SNX9: variants seen among roughly 807,000 people sequenced by gnomAD.
SNX9 encodes sorting nexin-9.
In SNX9, 44 loss-of-function variants were observed where a neutral mutation model predicts 89.4. That is an observed-to-expected ratio of 0.49 (90% CI 0.39 to 0.63). The LOEUF (loss-of-function observed/expected upper bound fraction) is 0.63, where lower values mean the gene tolerates loss of function less well. Among genes scored for constraint, SNX9 ranks in the 30% least tolerant of loss-of-function variants. The pLI, the probability that SNX9 is intolerant of heterozygous loss-of-function variation, is 0.00. For missense variants in SNX9, 578 were observed against 736.1 expected (o/e 0.79, Z 2.49); for synonymous variants, 236 against 247.8 (o/e 0.95, Z 0.45).
chr6:157,920,322 G>A (rs1783557815), intron 9 of SNX9, among the ~76,000 whole-genome samples: 2 of 152,136 alleles, frequency 1.3e-5, no homozygotes, highest in Non-Finnish European at 2.9e-5. Context: ...GGCTATCAGG[G>A]CTGTTGTCCC....
chr6:157,829,373 T>C (rs1781440481), intron 1 of SNX9: 1 of 152,202 alleles, frequency 6.6e-6, no homozygotes, highest in Admixed American at 6.5e-5. Flanking sequence ...CTAATTAAAA[T>C]CAATACTGTA....
chr6:157,824,094 C>T (rs774454247), intron 1 of SNX9, among the ~76,000 whole-genome samples: 2 of 152,246 alleles, frequency 1.3e-5, no homozygotes, highest in African/African-American at 4.8e-5. Flanking sequence ...AATGACTGTG[C>T]TTTCGATTAC....
At chr6:157,935,638 C>T (rs1783907938) in intron 13 of SNX9, among the ~76,000 whole-genome samples, 1 of 152,200 alleles carries the variant, frequency 6.6e-6, no homozygotes, top group African/African-American at 2.4e-5. Context: ...TGAGAGGCCT[C>T]ATTATAGCCG....
rs149803634 is a variant in SNX9 at position 157,836,619 on chromosome 6, G to A, written c.12+13173G>A. 4.6e-3 allele frequency among the ~76,000 whole-genome samples: 701 copies of A among 150,920 alleles called. 7 individuals are homozygous for A. The highest frequency in any genetic ancestry group is 0.016 in the African/African-American group (673 of 41,078). On this transcript the variant is annotated intron_variant, in intron 1 of 17. Transcript: ENST00000392185. ...TTTCTTTTTTTTTTTTTGATACAGA[G>A]TCTTACTCTCGCCCAGGCTGGAGTG...
At chr6:157,932,160 A>G in intron 12 of SNX9, 35 bp from the exon 13 acceptor site, 2 of 1,585,816 alleles carry the variant, frequency 1.3e-6, no homozygotes, top group Non-Finnish European at 1.7e-6. Flanking sequence ...CAGTTTGCTC[A>G]GAAGACTAAT....
At chr6:157,848,101 G>A (rs758501161) in intron 1 of SNX9, among the ~76,000 whole-genome samples, 1 of 152,168 alleles carries the variant, frequency 6.6e-6, no homozygotes, top group Non-Finnish European at 1.5e-5. Flanking sequence ...ATTGCTTTGC[G>A]TGTTGATGGC....
chr6:157,826,273 C>T (rs1447865091), intron 1 of SNX9, among the ~76,000 whole-genome samples: 1 of 151,930 alleles, frequency 6.6e-6, no homozygotes, highest in Admixed American at 6.6e-5. Flanking sequence ...CCGAGGCGGG[C>T]GGATCACGAG....
In SNX9 at chr6:157,828,720, C is replaced by T. The variant is rs138677193; in HGVS notation, c.12+5274C>T. Reference sequence around the variant, plus strand: ...TGTGTCCTGAACTGAGGTGATCCTTCCTCCTCAGCCCCGCAAAGTATTGGG... The same window carrying T: ...TGTGTCCTGAACTGAGGTGATCCTTTCTCCTCAGCCCCGCAAAGTATTGGG... On this transcript the variant is annotated intron_variant, in intron 1 of 17. Coordinates refer to ENST00000392185, the MANE Select transcript of SNX9 (RefSeq NM_016224.5). Among the ~76,000 whole-genome samples the T allele has an allele frequency of 2.0e-5, 3 of 152,222 alleles. No individual in the cohort carries two copies. The East Asian group carries it at 5.8e-4, about 29-fold the overall frequency.
chr6:157,858,891 T>G (rs965185875), intron 1 of SNX9, among the ~76,000 whole-genome samples: 4 of 152,174 alleles, frequency 2.6e-5, no homozygotes, highest in Non-Finnish European at 5.9e-5. Context: ...CCCCCATGAT[T>G]CAGTTATCTC....
intron 4 of SNX9, among the ~76,000 whole-genome samples, chr6:157,893,208 A>T (rs1782900384): frequency 1.3e-5 from 2 of 152,162 alleles, no homozygotes; most frequent in South Asian, 4.1e-4. Flanking sequence ...CCTCAGCATG[A>T]TTGCCTTCAT....
intron 7 of SNX9, among the ~76,000 whole-genome samples, chr6:157,908,840 C>G (rs776312120): frequency 6.6e-6 from 1 of 152,162 alleles, no homozygotes; most frequent in Non-Finnish European, 1.5e-5. Context: ...GTGTAAGCCT[C>G]GCCTGAATTT....
Position 157,877,281 on chromosome 6 carries a change from C to CGG in SNX9, c.300+2112_300+2113dup, listed in dbSNP as rs35949336. Reference sequence around the variant, plus strand: ...AGAAGGTAATAAAAGAAAAAAAAAGCGGGGGGGGCATCTAGTCTAACATTG... The same window carrying CGG: ...AGAAGGTAATAAAAGAAAAAAAAAGCGGGGGGGGGGCATCTAGTCTAACATTG... On this transcript the variant is annotated intron_variant, in intron 4 of 17. Transcript: ENST00000392185. Among the ~76,000 whole-genome samples the CGG allele has an allele frequency of 2.0e-3, 296 of 150,298 alleles. 1 individual carries two copies. The highest frequency in any genetic ancestry group is 6.1e-3 in the African/African-American group (248 of 40,886).
chr6:157,912,710 T>A (rs925030742), intron 9 of SNX9, among the ~76,000 whole-genome samples: 3 of 152,174 alleles, frequency 2.0e-5, no homozygotes, highest in Non-Finnish European at 4.4e-5. Context: ...ACTCGATAAT[T>A]CATGAAAAAA....
At chr6:157,850,242 A>C (rs1436767353) in intron 1 of SNX9, among the ~76,000 whole-genome samples, 1 of 152,164 alleles carries the variant, frequency 6.6e-6, no homozygotes, top group Non-Finnish European at 1.5e-5. Context: ...CCTTGGCCAG[A>C]GCTGTTTCAG....
At chr6:157,904,311 G>A (rs1372278214) in intron 6 of SNX9, among the ~76,000 whole-genome samples, 1 of 152,084 alleles carries the variant, frequency 6.6e-6, no homozygotes, top group Admixed American at 6.5e-5. Flanking sequence ...TGGCACGCCT[G>A]TAATCCTAGC....
At position 157,921,468 on chromosome 6, in the gene SNX9, A is replaced by G. The variant is rs112915844; in HGVS notation, c.950-63A>G. 391 of 1,543,850 alleles carry G rather than the reference A, an allele frequency of 2.5e-4. 1 individual carries two copies. The highest frequency in any genetic ancestry group is 1.0e-3 in the African/African-American group (75 of 72,578). Reference sequence around the variant, plus strand: ...GACATAGAAATGGTTTTTCAGTTACAGTATGGTAACAGTCATTCATTTTAG... The same window carrying G: ...GACATAGAAATGGTTTTTCAGTTACGGTATGGTAACAGTCATTCATTTTAG... On this transcript the variant is annotated intron_variant, in intron 9 of 17. Coordinates refer to ENST00000392185, the MANE Select transcript of SNX9 (RefSeq NM_016224.5).
At chr6:157,914,469 CTTTTTTTTTTTT>C (rs34419515) in intron 9 of SNX9, among the ~76,000 whole-genome samples, 1 of 75,130 alleles carries the variant, frequency 1.3e-5, no homozygotes, top group African/African-American at 5.6e-5. Context: ...TTTTCTTTTT[CTTTTTTTTTTTT>C]TTTTTTTTTT....
chr6:157,840,643 A>C (rs1253163599), intron 1 of SNX9, among the ~76,000 whole-genome samples: 1 of 152,162 alleles, frequency 6.6e-6, no homozygotes, highest in Non-Finnish European at 1.5e-5. Flanking sequence ...TATCTTATTA[A>C]AGCCACACTA....
At chr6:157,932,569 A>G (rs193219615) in intron 13 of SNX9, among the ~76,000 whole-genome samples, 15 of 152,194 alleles carry the variant, frequency 9.9e-5, no homozygotes, top group African/African-American at 3.4e-4. Flanking sequence ...TCTTCCTGTG[A>G]CAGAGGCCAG....
Sources: gnomAD v4.1 joint callset for allele counts (sites outside exome capture counted in the v4.1 genomes callset) on GRCh38, gnomAD v4.1.1 for gene constraint, MANE v1.5 for transcripts, NCBI Gene and HGNC (gene_info 2026-07-23, HGNC 2026-07-21) for gene names.